GAMT: variants seen among roughly 807,000 people sequenced by gnomAD.
GAMT encodes guanidinoacetate N-methyltransferase.
In GAMT, 26 loss-of-function variants were observed where a neutral mutation model predicts 26.9. The observed-to-expected ratio is 0.97, with a 90% CI of 0.71 to 1.34. The LOEUF (loss-of-function observed/expected upper bound fraction) is 1.34. Ranked by LOEUF, GAMT falls within the 40% of genes most tolerant of loss-of-function variation. The probability of loss-of-function intolerance (pLI) is 0.00; values close to 1 mark genes in which losing one functional copy is unlikely to be tolerated. For missense variants in GAMT, 412 were observed against 345.0 expected (o/e 1.19, Z -1.54); for synonymous variants, 169 against 149.6 (o/e 1.13, Z -0.95).
In GAMT at chr19:1,397,398, G is replaced by A. The variant is rs2082606258; in HGVS notation, c.672C>T (p.Ala224=). 4 of 1,612,446 alleles carry A rather than the reference G, an allele frequency of 2.5e-6. No individual in the cohort carries two copies. The highest frequency in any genetic ancestry group is 1.7e-5 in the Admixed American group (1 of 59,992). The change falls in exon 6 of 6, where the codon GCC becomes GCT. Residue 224 remains alanine, a synonymous_variant. Coordinates refer to ENST00000252288, the MANE Select transcript of GAMT (RefSeq NM_000156.6). ...CCAGGGGCGTGATCATCTGTGGGAA[G>A]GCGTAGTAGCGGCAGTCGGCCGGTG... The part of the protein sequence containing the change: ...LVPPADCRYY[A]FPQMITPLVT...
intron 5 of GAMT, chr19:1,398,531 GC>G: frequency 8.4e-6 from 5 of 596,788 alleles, no homozygotes; most frequent in Non-Finnish European, 1.2e-5. Context: ...TGCCCCTGGG[GC>G]CCAAGCAATC....
chr19:1,397,853 C>T (rs1172473590), intron 5 of GAMT: 1 of 1,152,300 alleles, frequency 8.7e-7, no homozygotes, highest in Non-Finnish European at 1.1e-6. Context: ...AAAAGCTGCC[C>T]CAGGGGCCAC....
rs773832312 is a variant in GAMT at position 1,401,304 on chromosome 19, G to C, written c.173C>G (p.Ser58Cys). The change falls in exon 1 of 6, where the codon TCC (serine) becomes TGC (cysteine). Residue 58 changes from serine (S) to cysteine (C), a missense_variant. Coordinates refer to ENST00000252288, the MANE Select transcript of GAMT (RefSeq NM_000156.6). ...PYMHALAAAA[S>C]SKGGRVLEVG... ...GGCCGGGCGGGGGCTACCTTTGGAG[G>C]AGGCGGCGGCGGCCAGCGCGTGCAT... 2 of 1,509,774 alleles carry C rather than the reference G, an allele frequency of 1.3e-6. 1 individual carries two copies. Among genetic ancestry groups the C allele is most frequent in the Non-Finnish European group, 1.8e-6 (2 of 1,135,246 alleles). The allele number at this position is 1,509,774 out of a possible 1,614,324, so 93.5% of individuals were successfully genotyped here.
Position 1,399,641 on chromosome 19 carries a change from TC to T in GAMT, c.328-55del. On this transcript the variant is annotated intron_variant, in intron 2 of 5. Coordinates refer to ENST00000252288, the MANE Select transcript of GAMT (RefSeq NM_000156.6). This position sits in a 1 kb window ranked among gnomAD's most constrained non-coding sequence, Gnocchi z 6.2. ...ACAGGGTAGAGAGGTCCCCAGGATC[TC>T]CCCACCTGCAGAAAGGGAGCGGCCA... 1 of 1,572,612 alleles carries T rather than the reference TC, an allele frequency of 6.4e-7. No individual in the cohort carries two copies.
At position 1,397,378 on chromosome 19, in the gene GAMT, G is replaced by A. The variant is rs1459532381; in HGVS notation, c.692C>T (p.Pro231Leu). 1.9e-6 allele frequency: 3 copies of A among 1,612,156 alleles called. No individual in the cohort carries two copies. Among genetic ancestry groups the A allele is most frequent in the Non-Finnish European group, 1.7e-6 (2 of 1,179,792 alleles). ...RYYAFPQMIT[P>L]LVTKG The stretch of plus-strand genomic sequence containing the variant: ...GGGGGCTCAGCCTTTGGTCACCAGG[G>A]GCGTGATCATCTGTGGGAAGGCGTA... Residue 231 changes from proline (P) to leucine (L), a missense_variant, in exon 6 of 6, where the codon CCC becomes CTC. Physicochemically the swap from Pro to Leu is moderately conservative, Grantham distance 98. Transcript: ENST00000252288.
Position 1,399,565 on chromosome 19 carries a change from C to T in GAMT, c.350G>A (p.Trp117Ter), listed in dbSNP as rs2144637546. The change falls in exon 3 of 6, where the codon TGG becomes TAG. Residue 117 changes from tryptophan (W) to a stop codon, truncating the protein, a stop_gained. Transcript: ENST00000252288. LOFTEE classifies it high-confidence loss of function. The surrounding 1 kb of genome is among the most constrained non-coding windows in gnomAD (Gnocchi z 6.2). Reference protein sequence around the residue: ...THKVIPLKGLWEDVAPTLPDG... With the variant: ...THKVIPLKGL ...AGGCAGGGTGGGTGCCACATCCTCC[C>T]ACAGGCCTTTCAAGGGGATGACCTT... 1 of 1,613,216 alleles carries T rather than the reference C, an allele frequency of 6.2e-7. No individual in the cohort carries two copies. Among genetic ancestry groups the T allele is most frequent in the Non-Finnish European group, 8.5e-7 (1 of 1,179,844 alleles).
Position 1,397,208 on chromosome 19 carries a change from A to G in GAMT, c.*151T>C, listed in dbSNP as rs659460. On this transcript the variant is annotated 3_prime_UTR_variant, in exon 6 of 6. Transcript: ENST00000252288. ...CTGCTGGTGACACACAGCTGGGATC[A>G]GCCCTGGGCTGGTGGGACCCCTCAC... 22,157 of 871,618 alleles carry G rather than the reference A, an allele frequency of 0.025. 1,574 individuals carry two copies. The highest frequency in any genetic ancestry group is 0.22 in the African/African-American group (12,939 of 59,710). The allele number at this position is 871,618 out of a possible 1,614,324, so 54.0% of individuals were successfully genotyped here.
In GAMT at chr19:1,397,469, C is replaced by T. The variant is rs540554423; in HGVS notation, c.601G>A (p.Gly201Ser). The part of the protein sequence containing the change: ...ETQVPALLEA[G>S]FRRENIRTEV... ...GTACGGATGTTCTCCCTCCGGAAGC[C>T]GGCCTCCAGCAGCGCGGGCACCTGC... Residue 201 changes from glycine to serine, a missense_variant, in exon 6 of 6, where the codon GGC becomes AGC. Transcript: ENST00000252288. 68 of 1,608,028 alleles carry T rather than the reference C, an allele frequency of 4.2e-5. No homozygotes were observed. Among genetic ancestry groups the T allele is most frequent in the Admixed American group, 1.0e-4 (6 of 60,024 alleles).
chr19:1,400,631 A>C (rs1388819988), intron 1 of GAMT, among the ~76,000 whole-genome samples: 1 of 152,204 alleles, frequency 6.6e-6, no homozygotes, highest in Non-Finnish European at 1.5e-5. Flanking sequence ...AAGAGTGGCC[A>C]GGCAAGACCT....
chr19:1,399,041 T>G lies in GAMT; in HGVS notation c.460-15A>C. On this transcript the variant is annotated splice_polypyrimidine_tract_variant and intron_variant, in intron 4 of 5. Transcript: ENST00000252288. The surrounding 1 kb of genome is among the most constrained non-coding windows in gnomAD (Gnocchi z 6.2). ...AAGGCGTGGTTCTGTGGAAGGGGAG[T>G]GGCCAGTGGTCAGGACGGAGGTGGG... 1 of 1,612,708 alleles carries G rather than the reference T, an allele frequency of 6.2e-7. No individual in the cohort carries two copies. The highest frequency in any genetic ancestry group is 8.5e-7 in the Non-Finnish European group (1 of 1,179,880).
At position 1,399,082 on chromosome 19, in the gene GAMT, G is replaced by T. The variant is rs2082617898; in HGVS notation, c.459+46C>A. On this transcript the variant is annotated intron_variant, in intron 4 of 5. Coordinates refer to ENST00000252288, the MANE Select transcript of GAMT (RefSeq NM_000156.6). This position sits in a 1 kb window ranked among gnomAD's most constrained non-coding sequence, Gnocchi z 6.2. ...CGGAGGTGGGGGTGTGGGCAGAGGGGCTTCCCCGAGGGCCTCCCGCATCCC... is the reference window on the plus strand; with the variant it reads ...CGGAGGTGGGGGTGTGGGCAGAGGGTCTTCCCCGAGGGCCTCCCGCATCCC... The T allele has an allele frequency of 6.2e-7, 1 of 1,613,352 alleles. No individual in the cohort carries two copies. Among genetic ancestry groups the T allele is most frequent in the South Asian group, 1.1e-5 (1 of 91,082 alleles).
At chr19:1,397,662 C>A in intron 5 of GAMT, 163 bp from the exon 6 acceptor site, 1 of 1,375,954 alleles carries the variant, frequency 7.3e-7, no homozygotes, top group Non-Finnish European at 9.7e-7. Flanking sequence ...CAGGTGTGAA[C>A]GGGAATCTCC....
chr19:1,397,869 C>G, intron 5 of GAMT: 1 of 1,144,500 alleles, frequency 8.7e-7, no homozygotes, highest in South Asian at 2.1e-5. Flanking sequence ...GCCACAGGCA[C>G]CCAGCCGGCT....
Position 1,401,388 on chromosome 19 carries a change from G to T in GAMT, c.89C>A (p.Ala30Glu). 6.7e-7 allele frequency: 1 copy of T among 1,496,126 alleles called. No homozygotes were observed. Among genetic ancestry groups the T allele is most frequent in the Non-Finnish European group, 8.9e-7 (1 of 1,129,772 alleles). 92.7% of individuals were successfully genotyped at this position (1,496,126 alleles called of 1,614,324 possible). ...GCCCAGGATGCGCAGGTGCGTGTCCGCTGCGTCGTAGGCCGCGGGCGCCGC... is the reference window on the plus strand; with the variant it reads ...GCCCAGGATGCGCAGGTGCGTGTCCTCTGCGTCGTAGGCCGCGGGCGCCGC... Reference protein sequence around the residue: ...WGAAPAAYDAADTHLRILGKP... With the variant: ...WGAAPAAYDAEDTHLRILGKP... Residue 30 changes from alanine (A) to glutamate (E), a missense_variant, in exon 1 of 6, where the codon GCG becomes GAG. Ala to Glu is a moderately radical substitution (Grantham distance 107). Transcript: ENST00000252288.
At position 1,399,871 on chromosome 19, in the gene GAMT, A is replaced by G; in HGVS notation, c.249T>C (p.Ile83=). Reference sequence around the variant, plus strand: ...TGCACTCGATGATCCAATGCTCATCAATGGGCGCCTCCTGCACCTTTGACG... The same window carrying G: ...TGCACTCGATGATCCAATGCTCATCGATGGGCGCCTCCTGCACCTTTGACG... The part of the protein sequence containing the change: ...IAASKVQEAP[I]DEHWIIECND... Residue 83 remains isoleucine (I), a synonymous_variant, in exon 2 of 6, where the codon ATT becomes ATC. Coordinates refer to ENST00000252288, the MANE Select transcript of GAMT (RefSeq NM_000156.6). This position sits in a 1 kb window ranked among gnomAD's most constrained non-coding sequence, Gnocchi z 6.2. 1 of 1,605,392 alleles carries G rather than the reference A, an allele frequency of 6.2e-7. No homozygotes were observed. Among genetic ancestry groups the G allele is most frequent in the Non-Finnish European group, 8.5e-7 (1 of 1,176,730 alleles).
In GAMT at chr19:1,399,185, G is replaced by C. The variant is rs556829801; in HGVS notation, c.402C>G (p.Tyr134Ter). The C allele has an allele frequency of 3.1e-6, 5 of 1,613,606 alleles. No individual in the cohort carries two copies. Among genetic ancestry groups the C allele is most frequent in the South Asian group, 1.1e-5 (1 of 91,080 alleles). ...TCTCCTCCGAGAGTGGGTACGTGTCGTACAGGATCCCTGCACGGAGAACAG... is the reference window on the plus strand; with the variant it reads ...TCTCCTCCGAGAGTGGGTACGTGTCCTACAGGATCCCTGCACGGAGAACAG... ...LPDGHFDGIL[Y>*]DTYPLSEETW... The change falls in exon 4 of 6, where the codon TAC becomes TAG. Residue 134 changes from tyrosine (Y) to a stop codon, truncating the protein, a stop_gained. Coordinates refer to ENST00000252288, the MANE Select transcript of GAMT (RefSeq NM_000156.6). LOFTEE classifies it high-confidence loss of function. This position sits in a 1 kb window ranked among gnomAD's most constrained non-coding sequence, Gnocchi z 6.2.
chr19:1,398,422 T>C (rs978763260), intron 5 of GAMT: 6 of 302,404 alleles, frequency 2.0e-5, no homozygotes, highest in Admixed American at 1.4e-4. Context: ...TTTTTAAATT[T>C]TCTTTCTTTC....
intron 5 of GAMT, chr19:1,398,308 G>A (rs910584283): frequency 5.4e-6 from 1 of 186,280 alleles, no homozygotes; most frequent in Non-Finnish European, 1.1e-5. Context: ...ATGTTGGCCA[G>A]GCTAGGCTCA....
rs1413346111 is a variant in GAMT at position 1,397,355 on chromosome 19, G to A, written c.*4C>T. The A allele has an allele frequency of 1.9e-6, 3 of 1,609,354 alleles. No individual in the cohort carries two copies. The East Asian group carries it at 6.7e-5, about 36-fold the overall frequency. ...CATGGGTGTGGCCGGGCCGGGGTGGGGGCTCAGCCTTTGGTCACCAGGGGC... is the reference window on the plus strand; with the variant it reads ...CATGGGTGTGGCCGGGCCGGGGTGGAGGCTCAGCCTTTGGTCACCAGGGGC... On this transcript the variant is annotated 3_prime_UTR_variant, in exon 6 of 6. Transcript: ENST00000252288.
Sources: allele counts gnomAD v4.1 joint callset (sites outside exome capture counted in the v4.1 genomes callset), GRCh38; gene constraint gnomAD v4.1.1; non-coding constraint Gnocchi (gnomAD v3.1); transcripts MANE v1.5; gene names NCBI Gene and HGNC (gene_info 2026-07-23, HGNC 2026-07-21).